The following TAMM41 variants were observed in gnomAD, a reference collection of about 807,000 sequenced individuals.
The protein encoded by TAMM41 is TAM41 mitochondrial translocator assembly and maintenance homolog.
A neutral mutation model predicts 44.1 loss-of-function variants in TAMM41; 36 were observed. That is an observed-to-expected ratio of 0.82 (90% CI 0.63 to 1.08). The LOEUF (loss-of-function observed/expected upper bound fraction) is 1.08, where lower values mean the gene tolerates loss of function less well. Ranked by LOEUF, TAMM41 falls within the 50% of genes least tolerant of loss-of-function variation. TAMM41 has a pLI of 0.00. For synonymous variants in TAMM41, 164 were observed against 153.1 expected, an observed-to-expected ratio of 1.07 and a Z score of -0.53; for missense variants, 417 against 404.3, an observed-to-expected ratio of 1.03 and a Z score of -0.27.
At chr3:11,792,421 T>C (rs2077501093) in intron 7 of TAMM41, among the ~76,000 whole-genome samples, 1 of 152,204 alleles carries the variant, frequency 6.6e-6, no homozygotes, top group African/African-American at 2.4e-5. Flanking sequence ...TGAGGGGTTC[T>C]CTAACAAGGG....
intron 1 of TAMM41, 85 bp from the exon 2 acceptor site, chr3:11,844,296 G>A (rs2079576926): frequency 1.7e-5 from 22 of 1,310,660 alleles, no homozygotes; most frequent in South Asian, 1.6e-4. Context: ...AACATACTAC[G>A]CAATTATGAT....
chr3:11,821,407 C>T (rs2078512837), intron 4 of TAMM41, among the ~76,000 whole-genome samples: 1 of 152,184 alleles, frequency 6.6e-6, no homozygotes. Context: ...AACCTAGATT[C>T]CTCATATATG....
At chr3:11,759,580 T>C in the TAMM41 span, among the ~76,000 whole-genome samples, 1 of 57,912 alleles carries the variant, frequency 1.7e-5, no homozygotes, top group Non-Finnish European at 3.9e-5. Context: ...CGGAAAGCAA[T>C]TGCTCAAATA....
chr3:11,737,614 C>A, the TAMM41 span, among the ~76,000 whole-genome samples: 1 of 152,062 alleles, frequency 6.6e-6, no homozygotes, highest in South Asian at 2.1e-4. Context: ...GCCACCATGC[C>A]CAGCCAGCTT....
In TAMM41 at chr3:11,835,147, TTAAGA is replaced by T. The variant is rs374464270; in HGVS notation, c.411+4070_411+4074del. On this transcript the variant is annotated intron_variant, in intron 3 of 7. Transcript: ENST00000455809. ...ATACTCATATTCTCATAATTCTTTC[TTAAGA>T]TATTTACCCAACTTTCTTGTCCAAG... 1.5e-3 allele frequency among the ~76,000 whole-genome samples: 226 copies of T among 152,326 alleles called. 1 individual carries two copies. Among genetic ancestry groups the T allele is most frequent in the Admixed American group, 4.0e-3 (61 of 15,292 alleles).
At chr3:11,795,598 T>C (rs1008081357) in intron 7 of TAMM41, among the ~76,000 whole-genome samples, 8 of 152,164 alleles carry the variant, frequency 5.3e-5, no homozygotes, top group Admixed American at 3.9e-4. Context: ...GGCAGTCCTA[T>C]GGTGACTTCC....
intron 4 of TAMM41, among the ~76,000 whole-genome samples, chr3:11,819,733 T>TA (rs1375008725): frequency 1.3e-5 from 2 of 152,010 alleles, no homozygotes; most frequent in African/African-American, 4.8e-5. Context: ...TGTCTCTATG[T>TA]AATTTTTTTT....
intron 7 of TAMM41, among the ~76,000 whole-genome samples, chr3:11,803,230 C>T (rs1465284241): frequency 1.3e-5 from 2 of 152,116 alleles, no homozygotes; most frequent in Admixed American, 6.6e-5. Context: ...TGAGATTGCA[C>T]CACTGCACTC....
chr3:11,832,932 C>G (rs1289006730), intron 3 of TAMM41: 1 of 961,744 alleles, frequency 1.0e-6, no homozygotes. Context: ...GGAAGTTGTT[C>G]TACATAGGCT....
At chr3:11,817,124 C>T in intron 5 of TAMM41, 68 bp downstream of exon 5, 3 of 1,538,868 alleles carry the variant, frequency 1.9e-6, no homozygotes, top group Non-Finnish European at 1.8e-6. Flanking sequence ...CTGTTCTACC[C>T]CTGACTTTCT....
intron 7 of TAMM41, among the ~76,000 whole-genome samples, chr3:11,793,902 A>T (rs536599910): frequency 6.6e-6 from 1 of 152,288 alleles, no homozygotes; most frequent in South Asian, 2.1e-4. Flanking sequence ...CCCTTTGTGG[A>T]AATTCATCAG....
Position 11,805,983 on chromosome 3 carries a change from G to A in TAMM41, c.937+1850C>T, listed in dbSNP as rs2077896813. Among the ~76,000 whole-genome samples, 3 of 152,138 alleles carry A rather than the reference G, an allele frequency of 2.0e-5. No individual in the cohort carries two copies. In the South Asian group the frequency reaches 6.2e-4, roughly 31 times the overall value. ...GCTGTTTTCATAATAGTGAATAAGT[G>A]TTACGAGATCTGATGGTTCTATAAA... On this transcript the variant is annotated intron_variant, in intron 7 of 7. Transcript: ENST00000455809.
chr3:11,744,153 C>T, the TAMM41 span, among the ~76,000 whole-genome samples: 7 of 151,148 alleles, frequency 4.6e-5, no homozygotes, highest in Non-Finnish European at 1.0e-4. Flanking sequence ...CTGCAACCTC[C>T]GCCTCCTGGG....
intron 3 of TAMM41, among the ~76,000 whole-genome samples, chr3:11,831,174 T>C (rs943761362): frequency 1.4e-4 from 22 of 152,218 alleles, no homozygotes; most frequent in Non-Finnish European, 2.1e-4. Context: ...TTCTCATCTT[T>C]AGCTAGCATT....
downstream of TAMM41, among the ~76,000 whole-genome samples, chr3:11,786,233 G>C (rs1197546464): frequency 6.7e-6 from 1 of 150,058 alleles, no homozygotes; most frequent in African/African-American, 2.5e-5. Flanking sequence ...CAACATCTTT[G>C]TAACAAAATC....
At chr3:11,835,162 A>T (rs1468692694) in intron 3 of TAMM41, among the ~76,000 whole-genome samples, 1 of 152,132 alleles carries the variant, frequency 6.6e-6, no homozygotes, top group Non-Finnish European at 1.5e-5. Flanking sequence ...ATATTTACCC[A>T]ACTTTCTTGT....
intron 1 of TAMM41, 76 bp from the exon 2 acceptor site, chr3:11,844,287 A>T: frequency 7.2e-7 from 1 of 1,388,116 alleles, no homozygotes; most frequent in African/African-American, 1.4e-5. Flanking sequence ...AAAAGCTCTA[A>T]CATACTACGC....
chr3:11,729,923 T>C, the TAMM41 span, among the ~76,000 whole-genome samples: 2 of 152,232 alleles, frequency 1.3e-5, no homozygotes, highest in African/African-American at 4.8e-5. Flanking sequence ...ATGAAGAAGA[T>C]TGTCCCATTA....
the TAMM41 span, among the ~76,000 whole-genome samples, chr3:11,783,523 T>C: frequency 3.2e-4 from 49 of 152,374 alleles, no homozygotes; most frequent in African/African-American, 1.1e-3. Flanking sequence ...TTTCATGAGA[T>C]AGTTGTAAAT....
Sources: gnomAD v4.1 joint callset for allele counts (sites outside exome capture counted in the v4.1 genomes callset) on GRCh38, gnomAD v4.1.1 for gene constraint, MANE v1.5 for transcripts, NCBI Gene and HGNC (gene_info 2026-07-23, HGNC 2026-07-21) for gene names.